ME1: variants seen among roughly 807,000 people sequenced by gnomAD.
ME1 encodes the protein NADP-dependent malic enzyme.
In ME1, 74 loss-of-function variants were observed where a neutral mutation model predicts 66.4. The observed-to-expected ratio is 1.11, with a 90% CI of 0.92 to 1.35. The LOEUF is 1.35. ME1 is among the 40% of genes most tolerant of loss of function. The pLI is 0.00. For synonymous variants in ME1, 251 were observed against 235.6 expected, an observed-to-expected ratio of 1.07 and a Z score of -0.60; for missense variants, 750 against 694.1, an observed-to-expected ratio of 1.08 and a Z score of -0.90.
chr6:83,364,147 G>A (rs1769055594), intron 3 of ME1, among the ~76,000 whole-genome samples: 1 of 152,142 alleles, frequency 6.6e-6, no homozygotes, highest in South Asian at 2.1e-4. Flanking sequence ...CTTAATCTTG[G>A]TGGGCACCAT....
At chr6:83,274,664 A>G (rs908672058) in intron 6 of ME1, among the ~76,000 whole-genome samples, 3 of 152,212 alleles carry the variant, frequency 2.0e-5, no homozygotes, top group South Asian at 2.1e-4. Context: ...ATTTCAGAGT[A>G]TAAGACATAT....
In ME1 at chr6:83,216,632, T is replaced by A. The variant is rs745306723; in HGVS notation, c.1450-36A>T. 1.8e-5 allele frequency: 25 copies of A among 1,403,376 alleles called. No homozygotes were observed. In the South Asian group the frequency reaches 3.1e-4, roughly 17 times the overall value. 86.9% of individuals were successfully genotyped at this position (1,403,376 alleles called of 1,614,324 possible). A position where few individuals can be genotyped will look rare whatever the true frequency, so the allele number is the denominator to read the frequency against. On this transcript the variant is annotated intron_variant, in intron 12 of 13. Transcript: ENST00000369705. ...AAAGAAAGAAAAAAAGTGTTTATAC[T>A]TCACACGATACAATGTGGTGGGTAC...
Position 83,317,531 on chromosome 6 carries a change from C to G in ME1, c.601-2118G>C, listed in dbSNP as rs369341434. Among the ~76,000 whole-genome samples, 1,069 of 151,768 alleles carry G rather than the reference C, an allele frequency of 7.0e-3. 7 individuals are homozygous for G. Among genetic ancestry groups the G allele is most frequent in the South Asian group, 0.026 (123 of 4,780 alleles). Reference sequence around the variant, plus strand: ...ATTGATTTTGTATCCTGAGACTTTGCTGAAGTTGCTTATCAGCTTAAGGAG... The same window carrying G: ...ATTGATTTTGTATCCTGAGACTTTGGTGAAGTTGCTTATCAGCTTAAGGAG... On this transcript the variant is annotated intron_variant, in intron 5 of 13. Coordinates refer to ENST00000369705, the MANE Select transcript of ME1 (RefSeq NM_002395.6).
intron 5 of ME1, among the ~76,000 whole-genome samples, chr6:83,316,249 T>C (rs929277243): frequency 6.6e-6 from 1 of 152,208 alleles, no homozygotes; most frequent in Non-Finnish European, 1.5e-5. Context: ...TTACACAGTT[T>C]AAGTTGTTTC....
intron 9 of ME1, among the ~76,000 whole-genome samples, chr6:83,235,171 C>T (rs1790375972): frequency 6.6e-6 from 1 of 152,190 alleles, no homozygotes; most frequent in Admixed American, 6.5e-5. Flanking sequence ...TTCCTCAGTA[C>T]TCCCATCTTT....
Position 83,357,632 on chromosome 6 carries a change from G to A in ME1, c.363-5493C>T, listed in dbSNP as rs565522632. On this transcript the variant is annotated intron_variant, in intron 3 of 13. Transcript: ENST00000369705. ...GGTTAATATTTGAGTCGGTGGGCTG[G>A]GAAAGGTGGACCCACCCTTAATCTG... 1.3e-4 allele frequency among the ~76,000 whole-genome samples: 20 copies of A among 151,962 alleles called. No individual in the cohort carries two copies. The South Asian group carries it at 4.2e-3, about 32-fold the overall frequency.
At chr6:83,216,646 T>C (rs374879325) in intron 12 of ME1, 50 bp from the exon 13 acceptor site, 2 of 1,254,532 alleles carry the variant, frequency 1.6e-6, no homozygotes, top group African/African-American at 1.5e-5. Context: ...CACGATACAA[T>C]GTGGTGGGTA....
chr6:83,313,751 T>G (rs1767972589), intron 6 of ME1, among the ~76,000 whole-genome samples: 1 of 138,788 alleles, frequency 7.2e-6, no homozygotes, highest in Non-Finnish European at 1.6e-5. Context: ...AGAAATTAAC[T>G]GTATTATGTG....
chr6:83,396,969 C>A (rs1248061364), intron 3 of ME1, among the ~76,000 whole-genome samples: 1 of 151,664 alleles, frequency 6.6e-6, no homozygotes, highest in Non-Finnish European at 1.5e-5. Context: ...TTATTTCACA[C>A]CATATTAAAA....
At chr6:83,230,602 C>T (rs1333602195) in intron 9 of ME1, among the ~76,000 whole-genome samples, 1 of 152,010 alleles carries the variant, frequency 6.6e-6, no homozygotes, top group Admixed American at 6.6e-5. Flanking sequence ...ATCATAATTC[C>T]AGCACTTAAA....
At position 83,369,696 on chromosome 6, in the gene ME1, G is replaced by C. The variant is rs1218934495; in HGVS notation, c.363-17557C>G. Among the ~76,000 whole-genome samples, 4 of 149,910 alleles carry C rather than the reference G, an allele frequency of 2.7e-5. No homozygotes were observed. The Admixed American group carries it at 2.7e-4, about 10-fold the overall frequency. On this transcript the variant is annotated intron_variant, in intron 3 of 13. Transcript: ENST00000369705. ...CGAAGGAAGGAAGGAAGGAAGGAAGGAAGGAAGGAAGGAAGGAAGGAAGGA... is the reference window on the plus strand; with the variant it reads ...CGAAGGAAGGAAGGAAGGAAGGAAGCAAGGAAGGAAGGAAGGAAGGAAGGA...
intron 6 of ME1, among the ~76,000 whole-genome samples, chr6:83,290,895 C>G (rs916063818): frequency 3.3e-5 from 5 of 152,054 alleles, no homozygotes; most frequent in Non-Finnish European, 7.4e-5. Context: ...CTCTTTCGAT[C>G]TTTGTTGGTT....
At chr6:83,281,837 A>AAAAAAAAAC (rs1767298483) in intron 6 of ME1, among the ~76,000 whole-genome samples, 1 of 115,876 alleles carries the variant, frequency 8.6e-6, no homozygotes. Flanking sequence ...AAAAAAAAAG[A>AAAAAAAAAC]AAAGAAAACA....
rs115873402 is a variant in ME1 at position 83,391,576 on chromosome 6, G to A, written c.362+6791C>T. Among the ~76,000 whole-genome samples the A allele has an allele frequency of 5.9e-3, 895 of 151,996 alleles. 8 individuals are homozygous for A. The highest frequency in any genetic ancestry group is 0.02 in the African/African-American group (848 of 41,448). The stretch of plus-strand genomic sequence containing the variant: ...ATACTAGATCATGTCATGTAACTGC[G>A]TAAGACCATTTAGGGCTTTTCATTT... On this transcript the variant is annotated intron_variant, in intron 3 of 13. Coordinates refer to ENST00000369705, the MANE Select transcript of ME1 (RefSeq NM_002395.6).
intron 3 of ME1, among the ~76,000 whole-genome samples, chr6:83,368,859 A>G (rs1211823391): frequency 6.6e-6 from 1 of 152,150 alleles, no homozygotes; most frequent in Non-Finnish European, 1.5e-5. Context: ...CTGAGACTCA[A>G]TATTCTCTGG....
chr6:83,414,375 C>T (rs1770119436), intron 1 of ME1, among the ~76,000 whole-genome samples: 1 of 151,994 alleles, frequency 6.6e-6, no homozygotes, highest in Non-Finnish European at 1.5e-5. Flanking sequence ...AGATCATTTG[C>T]TTTCATTCCA....
intron 3 of ME1, among the ~76,000 whole-genome samples, chr6:83,378,762 G>A (rs1029588593): frequency 1.3e-5 from 2 of 150,374 alleles, no homozygotes; most frequent in African/African-American, 4.9e-5. Context: ...CAAACTGACT[G>A]AACTGGCTTA....
intron 1 of ME1, among the ~76,000 whole-genome samples, chr6:83,413,614 A>G (rs1185287196): frequency 1.3e-5 from 2 of 152,094 alleles, no homozygotes; most frequent in Admixed American, 6.6e-5. Context: ...AAGAGATAAA[A>G]TTGAGCTTGT....
intron 6 of ME1, among the ~76,000 whole-genome samples, chr6:83,302,232 A>G (rs1000344527): frequency 2.6e-5 from 4 of 152,186 alleles, no homozygotes; most frequent in African/African-American, 9.6e-5. Flanking sequence ...GTTCTCACTT[A>G]TAAGTGAAAC....
Sources: allele counts gnomAD v4.1 joint callset (sites outside exome capture counted in the v4.1 genomes callset), GRCh38; gene constraint gnomAD v4.1.1; transcripts MANE v1.5; gene names NCBI Gene and HGNC (gene_info 2026-07-23, HGNC 2026-07-21).